Variants in MAP2 observed in about 807,000 individuals in gnomAD.
MAP2 encodes the protein microtubule associated protein 2.
A neutral mutation model predicts 137.6 loss-of-function variants in MAP2; 14 were observed. That is an observed-to-expected ratio of 0.10 (90% CI 0.07 to 0.16). The LOEUF (loss-of-function observed/expected upper bound fraction) is 0.16. MAP2 is among the 10% of genes least tolerant of loss of function. The pLI, the probability that MAP2 is intolerant of heterozygous loss-of-function variation, is 1.00. For missense variants in MAP2, 2,088 were observed against 2,191.5 expected, an observed-to-expected ratio of 0.95 and a Z score of 0.94; for synonymous variants, 786 against 782.3, an observed-to-expected ratio of 1.00 and a Z score of -0.08.
chr2:209,554,014 G>C (rs953546372), intron 2 of MAP2, among the ~76,000 whole-genome samples: 2 of 152,130 alleles, frequency 1.3e-5, no homozygotes, highest in Non-Finnish European at 2.9e-5. Flanking sequence ...TGGGAGCTGG[G>C]TCCAGCATAT....
chr2:209,559,479 CA>C (rs59788211), intron 2 of MAP2, among the ~76,000 whole-genome samples: 6,012 of 37,678 alleles, frequency 0.16, 89 homozygotes, highest in South Asian at 0.24. Flanking sequence ...GCCAAAAATA[CA>C]AAAAAAAAAA....
chr2:209,662,708 TGAAA>T lies in MAP2; in HGVS notation c.262+9278_262+9281del, dbSNP rs1471080958. 2.6e-5 allele frequency among the ~76,000 whole-genome samples: 4 copies of T among 152,102 alleles called. No individual in the cohort carries two copies. The East Asian group carries it at 7.7e-4, about 29-fold the overall frequency. On this transcript the variant is annotated intron_variant, in intron 5 of 15. Coordinates refer to ENST00000682079, the MANE Select transcript of MAP2 (RefSeq NM_001375505.1). ...TCTTTTTTTATTTTTAGCAAACAGA[TGAAA>T]GTAATAAGTAATGGGAGTGAGTCTT...
chr2:209,654,667 G>A (rs139368100), intron 5 of MAP2, among the ~76,000 whole-genome samples: 1 of 151,498 alleles, frequency 6.6e-6, no homozygotes, highest in East Asian at 1.9e-4. Context: ...TGGAACTTGG[G>A]TGTCAGGAGC....
chr2:209,506,728 A>T (rs2061111989), intron 1 of MAP2, among the ~76,000 whole-genome samples: 1 of 152,182 alleles, frequency 6.6e-6, no homozygotes, highest in African/African-American at 2.4e-5. Flanking sequence ...CACTGGAAAG[A>T]TTGATCGTTT....
intron 2 of MAP2, among the ~76,000 whole-genome samples, chr2:209,571,065 G>A (rs752232128): frequency 6.6e-6 from 1 of 151,876 alleles, no homozygotes; most frequent in African/African-American, 2.4e-5. Flanking sequence ...TAAGGAGAAT[G>A]TGCCCTTACA....
At chr2:209,439,166 C>T (rs1697130429) in intron 1 of MAP2, among the ~76,000 whole-genome samples, 2 of 151,398 alleles carry the variant, frequency 1.3e-5, no homozygotes. Flanking sequence ...AGAGGGGTAT[C>T]ATATGGTGAT....
At chr2:209,586,171 A>G (rs2153418033) in intron 3 of MAP2, among the ~76,000 whole-genome samples, 1 of 152,308 alleles carries the variant, frequency 6.6e-6, no homozygotes, top group African/African-American at 2.4e-5. Context: ...AAATATGAAA[A>G]GCAAGAAGGT....
At chr2:209,473,205 C>A (rs1367231704) in intron 1 of MAP2, among the ~76,000 whole-genome samples, 1 of 152,126 alleles carries the variant, frequency 6.6e-6, no homozygotes, top group Non-Finnish European at 1.5e-5. Context: ...CAAGTTTGTT[C>A]ATCCATAAAT....
At chr2:209,582,344 C>T (rs559455140) in intron 3 of MAP2, among the ~76,000 whole-genome samples, 4 of 151,992 alleles carry the variant, frequency 2.6e-5, no homozygotes, top group African/African-American at 9.6e-5. Flanking sequence ...TTTCTTTAGG[C>T]TGTACGGAAT....
Position 209,721,078 on chromosome 2 carries a change from T to C in MAP2, c.5074-4631T>C, listed in dbSNP as rs940974419. On this transcript the variant is annotated intron_variant, in intron 13 of 15. Coordinates refer to ENST00000682079, the MANE Select transcript of MAP2 (RefSeq NM_001375505.1). ...ACTCTAAGATGCTAATTATTTGTAA[T>C]TGACCCTAGAGATCTTTGGTGTGAA... Among the ~76,000 whole-genome samples, 7 of 152,184 alleles carry C rather than the reference T, an allele frequency of 4.6e-5. No homozygotes were observed. In the East Asian group the frequency reaches 1.2e-3, roughly 25 times the overall value.
chr2:209,496,273 G>A (rs761364420), intron 1 of MAP2, among the ~76,000 whole-genome samples: 1 of 152,122 alleles, frequency 6.6e-6, no homozygotes, highest in Non-Finnish European at 1.5e-5. Context: ...TTGACCCAGA[G>A]CAGCCCACAG....
intron 2 of MAP2, among the ~76,000 whole-genome samples, chr2:209,560,513 T>G (rs1478536354): frequency 6.6e-6 from 1 of 151,228 alleles, no homozygotes; most frequent in Non-Finnish European, 1.5e-5. Flanking sequence ...AGGGTGTCAT[T>G]CTGTTGCCCA....
chr2:209,594,373 C>T (rs2080659506), intron 3 of MAP2, among the ~76,000 whole-genome samples: 1 of 152,094 alleles, frequency 6.6e-6, no homozygotes, highest in African/African-American at 2.4e-5. Context: ...GAAGAAGGGT[C>T]TCAAATGTTC....
At chr2:209,726,703 G>A (rs2074173356) in intron 14 of MAP2, among the ~76,000 whole-genome samples, 3 of 152,204 alleles carry the variant, frequency 2.0e-5, no homozygotes, top group African/African-American at 7.2e-5. Context: ...GTTAGAGGCT[G>A]CAGCAAGCTA....
intron 1 of MAP2, among the ~76,000 whole-genome samples, chr2:209,470,369 T>C (rs1376766894): frequency 1.3e-5 from 2 of 152,020 alleles, no homozygotes; most frequent in Non-Finnish European, 2.9e-5. Flanking sequence ...TCTTTAGCAG[T>C]TTGAATTTGT....
Position 209,731,933 on chromosome 2 carries a change from T to C in MAP2, c.*1536T>C, listed in dbSNP as rs1001897363. 2 of 152,204 alleles carry C rather than the reference T, an allele frequency of 1.3e-5. No homozygotes were observed. The highest frequency in any genetic ancestry group is 3.8e-4 in the East Asian group (2 of 5,202). 9.4% of individuals were successfully genotyped at this position (152,204 alleles called of 1,614,324 possible). ...TATCAGTAGATAATACTGTTCTGACTGTATATACAGTCTAGAACTCACAAA... is the reference window on the plus strand; with the variant it reads ...TATCAGTAGATAATACTGTTCTGACCGTATATACAGTCTAGAACTCACAAA... On this transcript the variant is annotated 3_prime_UTR_variant, in exon 16 of 16. Coordinates refer to ENST00000682079, the MANE Select transcript of MAP2 (RefSeq NM_001375505.1).
chr2:209,487,972 A>G (rs1167223579), intron 1 of MAP2, among the ~76,000 whole-genome samples: 1 of 152,250 alleles, frequency 6.6e-6, no homozygotes, highest in Non-Finnish European at 1.5e-5. Context: ...GTTTCTTTAA[A>G]AAATAAATAC....
chr2:209,646,237 A>C (rs1322401972), intron 4 of MAP2, among the ~76,000 whole-genome samples: 1 of 152,156 alleles, frequency 6.6e-6, no homozygotes. Flanking sequence ...AAATAAGCAA[A>C]ATATAGGTTA....
At chr2:209,617,994 A>G (rs1231120681) in intron 3 of MAP2, among the ~76,000 whole-genome samples, 1 of 152,148 alleles carries the variant, frequency 6.6e-6, no homozygotes, top group Non-Finnish European at 1.5e-5. Flanking sequence ...TAAAGAAAAA[A>G]AAAGGTCAGG....
Sources: allele counts gnomAD v4.1 joint callset (sites outside exome capture counted in the v4.1 genomes callset), GRCh38; gene constraint gnomAD v4.1.1; transcripts MANE v1.5; gene names NCBI Gene and HGNC (gene_info 2026-07-23, HGNC 2026-07-21).